GFRA2: variants seen among roughly 807,000 people sequenced by gnomAD.
The protein encoded by GFRA2 is GDNF family receptor alpha-2.
GFRA2 carries 17 observed loss-of-function variants against 48.3 expected under a neutral mutation model. The observed-to-expected ratio is 0.35, with a 90% CI of 0.24 to 0.53. The LOEUF (loss-of-function observed/expected upper bound fraction) is 0.53, where lower values mean the gene tolerates loss of function less well. GFRA2 is among the 20% of genes least tolerant of loss of function. The pLI is 0.93. For missense variants in GFRA2, 660 were observed against 637.3 expected (o/e 1.04, Z -0.38); for synonymous variants, 305 against 257.2 (o/e 1.19, Z -1.78).
chr8:21,789,491 G>A (rs1585347257), upstream of GFRA2, among the ~76,000 whole-genome samples: 1 of 151,954 alleles, frequency 6.6e-6, no homozygotes, highest in East Asian at 2.0e-4. Flanking sequence ...CGGTGGCCCG[G>A]GTCTGAGGGG....
chr8:21,702,776 C>G, intron 7 of GFRA2, 29 bp downstream of exon 7: 1 of 1,545,214 alleles, frequency 6.5e-7, no homozygotes. Context: ...CCATGGTGCT[C>G]CCCCCACGCC....
intron 1 of GFRA2, among the ~76,000 whole-genome samples, chr8:21,807,115 T>C (rs923836369): frequency 6.6e-6 from 1 of 152,236 alleles, no homozygotes; most frequent in Non-Finnish European, 1.5e-5. Context: ...CTCAGGCTGC[T>C]GCTATGGTTT....
intron 8 of GFRA2, among the ~76,000 whole-genome samples, chr8:21,694,055 T>TATATATATATA (rs1802021821): frequency 1.3e-5 from 1 of 77,466 alleles, no homozygotes; most frequent in African/African-American, 4.8e-5. Flanking sequence ...ATATATATAT[T>TATATATATATA]TATATATATA....
intron 1 of GFRA2, among the ~76,000 whole-genome samples, chr8:21,809,645 G>T (rs1045779516): frequency 6.6e-6 from 1 of 152,152 alleles, no homozygotes; most frequent in African/African-American, 2.4e-5. Context: ...GTATCTGAAT[G>T]ATTTTAGTTG....
intron 4 of GFRA2, among the ~76,000 whole-genome samples, chr8:21,747,158 T>C (rs1805046551): frequency 6.6e-6 from 1 of 152,222 alleles, no homozygotes; most frequent in Admixed American, 6.5e-5. Flanking sequence ...AGTTCCGGTC[T>C]GCTCCATCAT....
At chr8:21,784,127 G>A (rs1807151751) in intron 1 of GFRA2, among the ~76,000 whole-genome samples, 1 of 152,060 alleles carries the variant, frequency 6.6e-6, no homozygotes, top group African/African-American at 2.4e-5. Context: ...CACACCCACA[G>A]TGCCTCAGGA....
chr8:21,702,672 C>G, intron 7 of GFRA2, 133 bp downstream of exon 7: 1 of 784,988 alleles, frequency 1.3e-6, no homozygotes, highest in Non-Finnish European at 2.0e-6. Context: ...GAATGACCCC[C>G]GGCAGCTCCT....
chr8:21,741,504 A>G (rs1804742502), intron 4 of GFRA2, among the ~76,000 whole-genome samples: 1 of 151,966 alleles, frequency 6.6e-6, no homozygotes, highest in Non-Finnish European at 1.5e-5. Flanking sequence ...CTTGCTCACC[A>G]TCTGCCTCCT....
intron 4 of GFRA2, among the ~76,000 whole-genome samples, chr8:21,711,391 C>A (rs1035261648): frequency 8.5e-5 from 13 of 152,194 alleles, no homozygotes; most frequent in Non-Finnish European, 2.9e-5. Flanking sequence ...CCAAGTCCAT[C>A]TCGGCTGAGA....
At chr8:21,797,184 T>C (rs1242065767) in intron 2 of GFRA2, among the ~76,000 whole-genome samples, 1 of 152,022 alleles carries the variant, frequency 6.6e-6, no homozygotes, top group Non-Finnish European at 1.5e-5. Context: ...TTCTTAAAAA[T>C]ATCTCCAGTG....
chr8:21,770,464 G>T (rs1394524311), intron 3 of GFRA2, among the ~76,000 whole-genome samples: 3 of 152,224 alleles, frequency 2.0e-5, no homozygotes, highest in Non-Finnish European at 4.4e-5. Context: ...GCGCTTCAGA[G>T]GTGGGACAGG....
At chr8:21,789,256 G>C (rs1037335364), upstream of GFRA2, 3 of 153,044 alleles carry the variant, frequency 2.0e-5, no homozygotes, top group Non-Finnish European at 4.4e-5. Flanking sequence ...GCTACGGCTC[G>C]GGCTCGAACC....
chr8:21,795,404 T>TTTC (rs1807653042), intron 2 of GFRA2, among the ~76,000 whole-genome samples: 1 of 152,038 alleles, frequency 6.6e-6, no homozygotes, highest in African/African-American at 2.4e-5. Flanking sequence ...ATTTATTTTT[T>TTTC]TTATTTGAGA....
chr8:21,708,234 A>G lies in GFRA2; in HGVS notation c.795-2193T>C, dbSNP rs58746839. ...GTTATCCCTGCCTTCTCTTCTGCCC[A>G]TAAATGCACCCTCTGCTTCCTCAAA... is the stretch of plus-strand genomic sequence containing the variant. On this transcript the variant is annotated intron_variant, in intron 4 of 8. Coordinates refer to ENST00000524240, the MANE Select transcript of GFRA2 (RefSeq NM_001495.5). Among the ~76,000 whole-genome samples, 683 of 152,360 alleles carry G rather than the reference A, an allele frequency of 4.5e-3. 6 individuals carry two copies. The highest frequency in any genetic ancestry group is 0.016 in the African/African-American group (658 of 41,582).
upstream of GFRA2, among the ~76,000 whole-genome samples, chr8:21,791,207 G>T (rs1184650981): frequency 1.3e-5 from 2 of 152,158 alleles, no homozygotes; most frequent in African/African-American, 4.8e-5. Context: ...CACCTATCCA[G>T]AAAATGGGGC....
At chr8:21,768,505 G>A (rs4076284) in intron 3 of GFRA2, among the ~76,000 whole-genome samples, 20,274 of 152,140 alleles carry the variant, frequency 0.13, 1,874 homozygotes, top group African/African-American at 0.25. Context: ...AAGCCTCACC[G>A]TCTATTCTTT....
intron 2 of GFRA2, among the ~76,000 whole-genome samples, chr8:21,800,344 C>T (rs1233516053): frequency 1.3e-5 from 2 of 152,152 alleles, no homozygotes; most frequent in South Asian, 2.1e-4. Context: ...TCCCGCACCA[C>T]GAAAAAGGAA....
intron 3 of GFRA2, among the ~76,000 whole-genome samples, chr8:21,772,083 G>A (rs893742480): frequency 6.6e-6 from 1 of 152,086 alleles, no homozygotes; most frequent in Non-Finnish European, 1.5e-5. Flanking sequence ...TCACCCTGCC[G>A]CATCACCATT....
chr8:21,765,322 G>T (rs1806102062), intron 3 of GFRA2, among the ~76,000 whole-genome samples: 2 of 152,034 alleles, frequency 1.3e-5, no homozygotes, highest in South Asian at 4.2e-4. Flanking sequence ...TGTTGCTCAG[G>T]CTAGTCTCGA....
Sources: gnomAD v4.1 joint callset for allele counts (sites outside exome capture counted in the v4.1 genomes callset) on GRCh38, gnomAD v4.1.1 for gene constraint, MANE v1.5 for transcripts, NCBI Gene and HGNC (gene_info 2026-07-23, HGNC 2026-07-21) for gene names.